The following SMG6 variants were observed in gnomAD, a reference collection of about 807,000 sequenced individuals.
SMG6 encodes the protein SMG6 nonsense mediated mRNA decay factor.
Under a neutral mutation model 142.2 loss-of-function variants are expected in SMG6, and 66 were observed. That is an observed-to-expected ratio of 0.46 (90% CI 0.38 to 0.57). SMG6 has a LOEUF of 0.57. Among genes scored for constraint, SMG6 ranks in the 20% least tolerant of loss-of-function variants. The pLI is 0.00. For synonymous variants in SMG6, 779 were observed against 702.4 expected (o/e 1.11, Z -1.72); for missense variants, 1,793 against 1,832.0 (o/e 0.98, Z 0.39).
At chr17:2,072,603 T>C (rs1301063383) in intron 15 of SMG6, among the ~76,000 whole-genome samples, 2 of 152,194 alleles carry the variant, frequency 1.3e-5, no homozygotes, top group Non-Finnish European at 2.9e-5. Flanking sequence ...GATCTTATGA[T>C]GCTTACCGCT....
chr17:2,236,629 G>A lies in SMG6; in HGVS notation c.2732C>T (p.Thr911Ile). The A allele has an allele frequency of 6.2e-7, 1 of 1,610,988 alleles. No individual in the cohort carries two copies. Among genetic ancestry groups the A allele is most frequent in the Non-Finnish European group, 8.5e-7 (1 of 1,178,664 alleles). Residue 911 changes from threonine (T) to isoleucine (I), a missense_variant, in exon 10 of 19, where the codon ACA becomes ATA. Transcript: ENST00000263073. ...GKLFTRIGMETFPAVAEKVLK... is the reference protein window; with the variant it reads ...GKLFTRIGMEIFPAVAEKVLK... ...GACCTTCTCAGCCACTGCAGGGAATGTCTCCATCCTGCAGATTCAGAAAAC... is the reference window on the plus strand; with the variant it reads ...GACCTTCTCAGCCACTGCAGGGAATATCTCCATCCTGCAGATTCAGAAAAC...
chr17:2,226,139 G>C (rs2073309530), intron 10 of SMG6, among the ~76,000 whole-genome samples: 1 of 152,086 alleles, frequency 6.6e-6, no homozygotes, highest in Non-Finnish European at 1.5e-5. Context: ...GCTGGGTGTG[G>C]TGGCGCATGC....
chr17:2,182,802 A>T (rs1458213540), intron 12 of SMG6, among the ~76,000 whole-genome samples: 1 of 150,482 alleles, frequency 6.6e-6, no homozygotes, highest in Non-Finnish European at 1.5e-5. Flanking sequence ...AACACAGAGC[A>T]TGAAGGAGCT....
At chr17:2,192,481 C>T (rs1326236397) in intron 10 of SMG6, among the ~76,000 whole-genome samples, 1 of 152,194 alleles carries the variant, frequency 6.6e-6, no homozygotes, top group Non-Finnish European at 1.5e-5. Flanking sequence ...ACGAGCCATT[C>T]CAGCCCAGAG....
intron 13 of SMG6, chr17:2,086,925 C>G: frequency 1.8e-6 from 2 of 1,106,690 alleles, no homozygotes; most frequent in Non-Finnish European, 2.4e-6. Context: ...ATGGGAAACA[C>G]ACGTCCGTGG....
intron 10 of SMG6, chr17:2,213,926 T>A (rs1389354403): frequency 6.6e-6 from 1 of 152,224 alleles, no homozygotes; most frequent in African/African-American, 2.4e-5. Context: ...ACCAACTCTC[T>A]TCACTAATAA....
At chr17:2,155,887 C>T (rs2070983927) in intron 13 of SMG6, among the ~76,000 whole-genome samples, 1 of 152,290 alleles carries the variant, frequency 6.6e-6, no homozygotes, top group East Asian at 1.9e-4. Flanking sequence ...CCTGATCCTG[C>T]ATTTGAATGT....
intron 13 of SMG6, among the ~76,000 whole-genome samples, chr17:2,092,868 A>C (rs1214257995): frequency 6.6e-6 from 1 of 152,206 alleles, no homozygotes. Context: ...AACCTCTCTG[A>C]GCCTTTGTTT....
intron 8 of SMG6, among the ~76,000 whole-genome samples, chr17:2,250,471 T>C (rs1039775471): frequency 7.2e-5 from 11 of 152,000 alleles, no homozygotes; most frequent in African/African-American, 2.4e-4. Context: ...CACTGTTGTC[T>C]AGACCTCCTA....
At chr17:2,279,411 T>C (rs1429611694) in intron 8 of SMG6, among the ~76,000 whole-genome samples, 3 of 152,184 alleles carry the variant, frequency 2.0e-5, no homozygotes. Context: ...TTAGACCTGA[T>C]TGTAAGAGCA....
intron 8 of SMG6, among the ~76,000 whole-genome samples, chr17:2,250,868 G>A (rs753299106): frequency 2.6e-5 from 4 of 152,090 alleles, no homozygotes; most frequent in East Asian, 3.9e-4. Context: ...ATCACAAGGC[G>A]GAGGAGGATG....
chr17:2,235,427 C>A (rs1433073623), intron 10 of SMG6, among the ~76,000 whole-genome samples: 1 of 152,164 alleles, frequency 6.6e-6, no homozygotes, highest in Non-Finnish European at 1.5e-5. Context: ...TTCACTCCCC[C>A]ACCACAACCA....
chr17:2,287,793 T>G (rs560774475), intron 6 of SMG6, among the ~76,000 whole-genome samples: 1 of 152,248 alleles, frequency 6.6e-6, no homozygotes, highest in African/African-American at 2.4e-5. Context: ...AATAAGCCAG[T>G]CACAAGAGGA....
At chr17:2,274,702 A>G (rs1311387748) in intron 8 of SMG6, among the ~76,000 whole-genome samples, 2 of 152,230 alleles carry the variant, frequency 1.3e-5, no homozygotes, top group Non-Finnish European at 2.9e-5. Context: ...TCTCTTGTCT[A>G]AAGACATTAT....
intron 6 of SMG6, among the ~76,000 whole-genome samples, chr17:2,290,848 T>C (rs769545738): frequency 7.2e-5 from 11 of 152,186 alleles, no homozygotes; most frequent in Non-Finnish European, 1.5e-4. Context: ...GGCAAGCATA[T>C]GAAAAGACGC....
chr17:2,111,251 A>G (rs1020754344), intron 13 of SMG6, among the ~76,000 whole-genome samples: 1 of 152,142 alleles, frequency 6.6e-6, no homozygotes, highest in African/African-American at 2.4e-5. Flanking sequence ...AGTAGTGGGA[A>G]GTACTGTGAA....
chr17:2,225,006 T>C (rs892023278), intron 10 of SMG6, among the ~76,000 whole-genome samples: 1 of 152,214 alleles, frequency 6.6e-6, no homozygotes, highest in African/African-American at 2.4e-5. Context: ...GCTAGAATTC[T>C]ATTACTGGAA....
intron 13 of SMG6, among the ~76,000 whole-genome samples, chr17:2,155,951 C>G (rs2070985394): frequency 6.6e-6 from 1 of 151,988 alleles, no homozygotes; most frequent in Admixed American, 6.6e-5. Context: ...CAGCCAAAAA[C>G]CTGAAAATGT....
intron 13 of SMG6, among the ~76,000 whole-genome samples, chr17:2,149,197 A>G (rs1192074801): frequency 6.6e-6 from 1 of 151,866 alleles, no homozygotes; most frequent in Non-Finnish European, 1.5e-5. Context: ...AAAAAATACA[A>G]AAATTAGCCG....
Sources: gnomAD v4.1 joint callset for allele counts (sites outside exome capture counted in the v4.1 genomes callset) on GRCh38, gnomAD v4.1.1 for gene constraint, MANE v1.5 for transcripts, NCBI Gene and HGNC (gene_info 2026-07-23, HGNC 2026-07-21) for gene names.